Variants in DNAH3 observed in about 807,000 individuals in gnomAD.
DNAH3 encodes the protein axonemal beta dynein heavy chain 3.
A neutral mutation model predicts 432.5 loss-of-function variants in DNAH3; 332 were observed. The ratio of observed to expected loss-of-function variants is 0.77; its 90% confidence interval spans 0.70 to 0.84. The LOEUF is 0.84. DNAH3 is among the 40% of genes least tolerant of loss of function. The probability of loss-of-function intolerance (pLI) is 0.00; values close to 1 mark genes in which losing one functional copy is unlikely to be tolerated. For missense variants in DNAH3, 4,861 were observed against 5,114.0 expected, an observed-to-expected ratio of 0.95 and a Z score of 1.51; for synonymous variants, 1,956 against 1,900.2, an observed-to-expected ratio of 1.03 and a Z score of -0.76.
At position 20,985,627 on chromosome 16, in the gene DNAH3, T is replaced by C. The variant is rs1412949530; in HGVS notation, c.7115A>G (p.Asp2372Gly). The change falls in exon 48 of 62, where the codon GAC becomes GGC. Residue 2372 changes from aspartate (D) to glycine (G), a missense_variant. Physicochemically the swap from Asp to Gly is moderately conservative, Grantham distance 94. Transcript: ENST00000261383. ...AGTGATCTCATCGTAGATTTTTTGGTCACTTTCTGGCTTGAAATAATCTCC... is the reference window on the plus strand; with the variant it reads ...AGTGATCTCATCGTAGATTTTTTGGCCACTTTCTGGCTTGAAATAATCTCC... The C allele has an allele frequency of 8.1e-6, 13 of 1,614,240 alleles. No individual in the cohort carries two copies. In the East Asian group the frequency reaches 2.9e-4, roughly 36 times the overall value.
At chr16:21,059,881 G>A (rs764668752) in intron 26 of DNAH3, among the ~76,000 whole-genome samples, 5 of 152,044 alleles carry the variant, frequency 3.3e-5, no homozygotes, top group African/African-American at 7.2e-5. Flanking sequence ...TAAGCCTTAC[G>A]TCATACCTAT....
chr16:21,014,249 T>C (rs2087753872), intron 41 of DNAH3, among the ~76,000 whole-genome samples: 1 of 152,228 alleles, frequency 6.6e-6, no homozygotes, highest in Non-Finnish European at 1.5e-5. Flanking sequence ...AATCAAGTGA[T>C]ATTTATTCCA....
At chr16:20,961,515 AAAAATAAAATAAAAT>A (rs71151604) in intron 53 of DNAH3, among the ~76,000 whole-genome samples, 17 of 148,650 alleles carry the variant, frequency 1.1e-4, no homozygotes, top group African/African-American at 2.1e-4. Context: ...AAATGAATAA[AAAAATAAAATAAAAT>A]AAAATAAAAT....
At chr16:20,984,463 T>C (rs1222316620) in intron 48 of DNAH3, among the ~76,000 whole-genome samples, 3 of 152,094 alleles carry the variant, frequency 2.0e-5, no homozygotes, top group African/African-American at 7.2e-5. Flanking sequence ...ACACAATTGC[T>C]AGGTTTCTAG....
At chr16:20,971,589 A>C (rs2085345123) in intron 51 of DNAH3, among the ~76,000 whole-genome samples, 1 of 152,100 alleles carries the variant, frequency 6.6e-6, no homozygotes, top group Non-Finnish European at 1.5e-5. Flanking sequence ...GATGGCAGAG[A>C]CTTGAGCCTC....
chr16:20,999,755 T>C (rs938013366), intron 43 of DNAH3, among the ~76,000 whole-genome samples: 1 of 152,336 alleles, frequency 6.6e-6, no homozygotes, highest in East Asian at 1.9e-4. Context: ...TGTAAATAGT[T>C]ACAGTCCTGG....
chr16:21,022,863 C>T (rs994407553), intron 39 of DNAH3, among the ~76,000 whole-genome samples: 5 of 151,920 alleles, frequency 3.3e-5, no homozygotes, highest in Admixed American at 6.6e-5. Flanking sequence ...TCTCCTGCCT[C>T]AGACTCCCTG....
In DNAH3 at chr16:21,085,581, CTT is replaced by C. The variant is rs1406498269; in HGVS notation, c.2877+1266_2877+1267del. Reference sequence around the variant, plus strand: ...AGAGGTCTACTCAGACAGCCTATCTCTTGTCTATACATCACCCCATCCTTTGG... The same window carrying C: ...AGAGGTCTACTCAGACAGCCTATCTCGTCTATACATCACCCCATCCTTTGG... On this transcript the variant is annotated intron_variant, in intron 19 of 61. Transcript: ENST00000261383. Among the ~76,000 whole-genome samples the C allele has an allele frequency of 2.7e-5, 4 of 150,236 alleles. No individual in the cohort carries two copies. The Admixed American group carries it at 2.7e-4, about 10-fold the overall frequency.
chr16:21,074,014 T>C (rs2090889245), intron 21 of DNAH3, among the ~76,000 whole-genome samples: 1 of 152,210 alleles, frequency 6.6e-6, no homozygotes, highest in African/African-American at 2.4e-5. Flanking sequence ...TTTCGATGGT[T>C]CCAAAGTCAT....
chr16:21,111,821 A>C lies in DNAH3; in HGVS notation c.1921-17T>G, dbSNP rs2092080288. On this transcript the variant is annotated splice_polypyrimidine_tract_variant and intron_variant, in intron 13 of 61. Coordinates refer to ENST00000261383, the Ensembl canonical transcript of DNAH3. The stretch of plus-strand genomic sequence containing the variant: ...ATTGATCTTCTGCAGAAAGGAGCAC[A>C]TTCAGTAGCTTGATTTGCCCTTGAG... 1 of 1,609,196 alleles carries C rather than the reference A, an allele frequency of 6.2e-7. No homozygotes were observed. The highest frequency in any genetic ancestry group is 1.7e-5 in the Admixed American group (1 of 59,908).
chr16:21,062,761 G>C (rs61259453), intron 24 of DNAH3, 78 bp from the exon 25 acceptor site: 1 of 1,154,392 alleles, frequency 8.7e-7, no homozygotes, highest in African/African-American at 1.5e-5. Context: ...TTTCTGACAG[G>C]TAGTCCGCAC....
At chr16:21,094,961 G>T (rs1269418676) in intron 18 of DNAH3, among the ~76,000 whole-genome samples, 1 of 152,128 alleles carries the variant, frequency 6.6e-6, no homozygotes, top group East Asian at 1.9e-4. Context: ...CACCATGGTT[G>T]TGAGGCCTCC....
chr16:21,078,275 CAAA>C (rs1202846920), intron 20 of DNAH3, among the ~76,000 whole-genome samples: 1,319 of 83,832 alleles, frequency 0.016, 18 homozygotes, highest in African/African-American at 0.056. Flanking sequence ...AATTCCGTCT[CAAA>C]AAAAAAAAAA....
At chr16:20,988,734 A>C (rs541808214) in intron 44 of DNAH3, among the ~76,000 whole-genome samples, 10 of 152,358 alleles carry the variant, frequency 6.6e-5, no homozygotes, top group Non-Finnish European at 1.5e-4. Context: ...AGTCTCACTG[A>C]CTTCAAAAAT....
intron 51 of DNAH3, 118 bp from the exon 52 acceptor site, chr16:20,970,108 C>G (rs1295427327): frequency 1.1e-6 from 1 of 951,958 alleles, no homozygotes; most frequent in African/African-American, 1.6e-5. Context: ...TCCAGATACC[C>G]TTTAACATGG....
At chr16:21,040,358 A>AACTTTTTTTTTT (rs2089377392) in intron 32 of DNAH3, among the ~76,000 whole-genome samples, 1 of 79,712 alleles carries the variant, frequency 1.3e-5, no homozygotes, top group Non-Finnish European at 2.2e-5. Flanking sequence ...AGCCAGACAG[A>AACTTTTTTTTTT]TTTTTTTTTT....
chr16:21,154,152 CCAG>C (rs2092883571), intron 1 of DNAH3, among the ~76,000 whole-genome samples: 1 of 152,184 alleles, frequency 6.6e-6, no homozygotes, highest in Non-Finnish European at 1.5e-5. Flanking sequence ...GCCTATAATC[CCAG>C]CAGCTGGGGA....
intron 2 of DNAH3, 107 bp downstream of exon 3, chr16:21,145,877 G>T: frequency 1.3e-6 from 1 of 761,666 alleles, no homozygotes; most frequent in Non-Finnish European, 2.3e-6. Context: ...TGTCAGGTCT[G>T]TTTGACTCTC....
At chr16:21,015,811 A>G (rs1470102624) in intron 41 of DNAH3, among the ~76,000 whole-genome samples, 4 of 152,116 alleles carry the variant, frequency 2.6e-5, no homozygotes, top group African/African-American at 9.7e-5. Context: ...TTGTTTTCTG[A>G]GATGGAGTCT....
Sources: gnomAD v4.1 joint callset for allele counts (sites outside exome capture counted in the v4.1 genomes callset) on GRCh38, gnomAD v4.1.1 for gene constraint, MANE v1.5 for transcripts, NCBI Gene and HGNC (gene_info 2026-07-23, HGNC 2026-07-21) for gene names.